The following ST8SIA2 variants were observed in gnomAD, a reference collection of about 807,000 sequenced individuals.
The protein encoded by ST8SIA2 is ST8 alpha-N-acetyl-neuraminide alpha-2,8-sialyltransferase 2, also known as alpha-2,8-sialyltransferase 8B.
ST8SIA2 carries 22 observed loss-of-function variants against 37.6 expected under a neutral mutation model. The ratio of observed to expected loss-of-function variants is 0.58; its 90% CI spans 0.42 to 0.83. The LOEUF is 0.83. Among genes scored for constraint, ST8SIA2 ranks in the 40% least tolerant of loss-of-function variants. ST8SIA2 has a pLI of 0.00. For missense variants in ST8SIA2, 382 were observed against 484.7 expected (o/e 0.79, Z 1.99); for synonymous variants, 205 against 201.2 (o/e 1.02, Z -0.16).
chr15:92,416,529 A>G lies in ST8SIA2; in HGVS notation c.99-13520A>G, dbSNP rs547390817. Among the ~76,000 whole-genome samples, 17 of 152,262 alleles carry G rather than the reference A, an allele frequency of 1.1e-4. No homozygotes were observed. In the South Asian group the frequency reaches 3.3e-3, roughly 30 times the overall value. Reference sequence around the variant, plus strand: ...TGAGGGGCTGGGAAAGAGAAGGTCAAAGAAAACCCGGAGAAAGTGTTGCCA... The same window carrying G: ...TGAGGGGCTGGGAAAGAGAAGGTCAGAGAAAACCCGGAGAAAGTGTTGCCA... On this transcript the variant is annotated intron_variant, in intron 1 of 5. Coordinates refer to ENST00000268164, the MANE Select transcript of ST8SIA2 (RefSeq NM_006011.4).
At position 92,430,113 on chromosome 15, in the gene ST8SIA2, T is replaced by C; in HGVS notation, c.161+2T>C. Reference sequence around the variant, plus strand: ...CAGCTTACATAGCAAATCTAATAGGTTTGTAAATTAGATTTTGTGTTCATT... The same window carrying C: ...CAGCTTACATAGCAAATCTAATAGGCTTGTAAATTAGATTTTGTGTTCATT... On this transcript the variant is annotated splice_donor_variant, in intron 2 of 5. Coordinates refer to ENST00000268164, the MANE Select transcript of ST8SIA2 (RefSeq NM_006011.4). LOFTEE classifies it high-confidence loss of function. 6.2e-7 allele frequency: 1 copy of C among 1,613,558 alleles called. No individual in the cohort carries two copies. The highest frequency in any genetic ancestry group is 2.2e-5 in the East Asian group (1 of 44,878).
intron 3 of ST8SIA2, among the ~76,000 whole-genome samples, chr15:92,437,676 C>T (rs2049768695): frequency 1.3e-5 from 2 of 152,052 alleles, no homozygotes; most frequent in African/African-American, 2.4e-5. Flanking sequence ...TGTCCATACA[C>T]GTCACAGTAT....
intron 5 of ST8SIA2, among the ~76,000 whole-genome samples, chr15:92,445,869 C>A (rs2049838727): frequency 6.6e-6 from 1 of 152,192 alleles, no homozygotes; most frequent in Non-Finnish European, 1.5e-5. Flanking sequence ...AGTTCCCAAT[C>A]TCCTCCTTGT....
intron 1 of ST8SIA2, among the ~76,000 whole-genome samples, chr15:92,416,257 T>G (rs2049586009): frequency 3.9e-4 from 53 of 135,030 alleles, no homozygotes; most frequent in Admixed American, 5.2e-4. Context: ...TGAGGGAGAG[T>G]GGGGAGTGTG....
intron 5 of ST8SIA2, among the ~76,000 whole-genome samples, chr15:92,452,960 C>T (rs932968926): frequency 2.0e-5 from 3 of 152,120 alleles, no homozygotes; most frequent in Non-Finnish European, 4.4e-5. Context: ...TCCCTTCCCA[C>T]GCTGAGATTC....
At chr15:92,431,365 A>G (rs143694150) in intron 2 of ST8SIA2, among the ~76,000 whole-genome samples, 99 of 152,308 alleles carry the variant, frequency 6.5e-4, no homozygotes, top group Non-Finnish European at 1.0e-3. Context: ...TACCCCTCTG[A>G]GCCTTGGCTT....
At chr15:92,424,919 C>T (rs1199432652) in intron 1 of ST8SIA2, among the ~76,000 whole-genome samples, 1 of 152,178 alleles carries the variant, frequency 6.6e-6, no homozygotes, top group Non-Finnish European at 1.5e-5. Flanking sequence ...AGTCGTCAAC[C>T]TCTACCCTTA....
At chr15:92,417,220 C>T (rs921035111) in intron 1 of ST8SIA2, among the ~76,000 whole-genome samples, 1 of 152,216 alleles carries the variant, frequency 6.6e-6, no homozygotes, top group Non-Finnish European at 1.5e-5. Flanking sequence ...TCCCCTCTGC[C>T]GGTGGTCCCA....
intron 3 of ST8SIA2, among the ~76,000 whole-genome samples, chr15:92,437,312 A>G (rs1477771574): frequency 1.3e-5 from 2 of 152,106 alleles, no homozygotes; most frequent in East Asian, 3.9e-4. Context: ...TTTAAGTAAA[A>G]CGCCCAGCTA....
At chr15:92,400,309 T>C (rs1004077885) in intron 1 of ST8SIA2, among the ~76,000 whole-genome samples, 1 of 152,182 alleles carries the variant, frequency 6.6e-6, no homozygotes, top group Non-Finnish European at 1.5e-5. Context: ...ATCCTTTATC[T>C]CCAGCCCCTG....
At chr15:92,397,240 C>G (rs2049438498) in intron 1 of ST8SIA2, among the ~76,000 whole-genome samples, 1 of 152,132 alleles carries the variant, frequency 6.6e-6, no homozygotes, top group Non-Finnish European at 1.5e-5. Flanking sequence ...AGGGATAAAA[C>G]TGAGATTTAC....
At chr15:92,451,167 T>A (rs1228554953) in intron 5 of ST8SIA2, among the ~76,000 whole-genome samples, 2 of 152,216 alleles carry the variant, frequency 1.3e-5, no homozygotes, top group Non-Finnish European at 2.9e-5. Flanking sequence ...AGCATCTAAG[T>A]GGCACAACCA....
chr15:92,395,130 T>C (rs2049421290), intron 1 of ST8SIA2, among the ~76,000 whole-genome samples: 1 of 151,884 alleles, frequency 6.6e-6, no homozygotes, highest in Non-Finnish European at 1.5e-5. Flanking sequence ...CAAAGGGCGG[T>C]AGACGACAGG....
chr15:92,454,767 C>CTCACCCAG (rs1567224472), intron 5 of ST8SIA2, among the ~76,000 whole-genome samples: 119 of 152,180 alleles, frequency 7.8e-4, no homozygotes, highest in African/African-American at 2.8e-3. Context: ...TGGGGTGGCA[C>CTCACCCAG]GGAGCCCTGG....
At chr15:92,441,284 T>C (rs902626347) in intron 4 of ST8SIA2, among the ~76,000 whole-genome samples, 2 of 152,308 alleles carry the variant, frequency 1.3e-5, no homozygotes, top group African/African-American at 4.8e-5. Context: ...CAGGGCAGGC[T>C]TCCGGCAGAA....
At chr15:92,456,235 G>A (rs2049918543) in intron 5 of ST8SIA2, among the ~76,000 whole-genome samples, 1 of 152,232 alleles carries the variant, frequency 6.6e-6, no homozygotes, top group East Asian at 1.9e-4. Context: ...GTAACTTGCT[G>A]TCTAGGATGG....
At chr15:92,401,181 T>C (rs1358062664) in intron 1 of ST8SIA2, among the ~76,000 whole-genome samples, 2 of 152,002 alleles carry the variant, frequency 1.3e-5, no homozygotes, top group African/African-American at 4.8e-5. Flanking sequence ...ACCAGCTGGG[T>C]GAGTCAGGTG....
At chr15:92,448,633 A>T (rs766785050) in intron 5 of ST8SIA2, among the ~76,000 whole-genome samples, 60 of 152,230 alleles carry the variant, frequency 3.9e-4, no homozygotes, top group Non-Finnish European at 7.5e-4. Flanking sequence ...ACATGTAATT[A>T]ATCAATCGTG....
chr15:92,457,066 C>T (rs921987410), intron 5 of ST8SIA2, among the ~76,000 whole-genome samples: 1 of 152,196 alleles, frequency 6.6e-6, no homozygotes, highest in Non-Finnish European at 1.5e-5. Flanking sequence ...AAAGGACAGC[C>T]GTGGGCTGTA....
Sources: allele counts gnomAD v4.1 joint callset (sites outside exome capture counted in the v4.1 genomes callset), GRCh38; gene constraint gnomAD v4.1.1; transcripts MANE v1.5; gene names NCBI Gene and HGNC (gene_info 2026-07-23, HGNC 2026-07-21).